MYH14: variants seen among roughly 807,000 people sequenced by gnomAD.
MYH14 encodes the protein myosin heavy chain 14.
Under a neutral mutation model 255.5 loss-of-function variants are expected in MYH14, and 123 were observed. That is an observed-to-expected ratio of 0.48 (90% CI 0.42 to 0.56). The LOEUF is 0.56. MYH14 is among the 20% of genes least tolerant of loss of function. The pLI, the probability that MYH14 is intolerant of heterozygous loss-of-function variation, is 0.00. For synonymous variants in MYH14, 1,095 were observed against 1,161.2 expected, an observed-to-expected ratio of 0.94 and a Z score of 1.16; for missense variants, 2,423 against 2,802.3, an observed-to-expected ratio of 0.86 and a Z score of 3.06.
At chr19:50,212,395 C>G (rs1321391473) in intron 2 of MYH14, among the ~76,000 whole-genome samples, 1 of 152,184 alleles carries the variant, frequency 6.6e-6, no homozygotes, top group Non-Finnish European at 1.5e-5. Context: ...AGGAGGCTAG[C>G]AAATATTTAA....
chr19:50,277,966 G>A, intron 29 of MYH14, 117 bp from the exon 30 acceptor site: 1 of 697,774 alleles, frequency 1.4e-6, no homozygotes, highest in Non-Finnish European at 2.1e-6. Context: ...TTGTTCACTG[G>A]GAGAAGTGTG....
At chr19:50,277,036 A>G (rs752155583) in intron 29 of MYH14, 135 bp downstream of exon 29, 17 of 654,268 alleles carry the variant, frequency 2.6e-5, no homozygotes, top group Non-Finnish European at 3.7e-5. Context: ...ATTCATGTGC[A>G]TCTTTCATTC....
At chr19:50,249,467 TCTCTGG>T (rs2123304881) in intron 13 of MYH14, 177 bp from the exon 14 acceptor site, 1 of 678,310 alleles carries the variant, frequency 1.5e-6, no homozygotes, top group East Asian at 2.8e-5. Flanking sequence ...CTGTCCCCTG[TCTCTGG>T]CTCTGTCCCC....
chr19:50,296,280 C>T (rs917401326), intron 39 of MYH14, among the ~76,000 whole-genome samples: 2 of 151,976 alleles, frequency 1.3e-5, no homozygotes, highest in African/African-American at 4.8e-5. Context: ...CCTATATCCA[C>T]GTTGTGATCT....
chr19:50,277,411 G>A (rs2035549687), intron 29 of MYH14, among the ~76,000 whole-genome samples: 1 of 152,074 alleles, frequency 6.6e-6, no homozygotes, highest in African/African-American at 2.4e-5. Context: ...TTCGAGACCA[G>A]CCTGGGCAAC....
chr19:50,253,955 C>T (rs187355850), intron 16 of MYH14, among the ~76,000 whole-genome samples: 4 of 152,268 alleles, frequency 2.6e-5, no homozygotes, highest in Non-Finnish European at 5.9e-5. Context: ...CGGTGGCTCA[C>T]GCCTGTAATC....
intron 11 of MYH14, among the ~76,000 whole-genome samples, chr19:50,245,352 G>A (rs1032926845): frequency 6.7e-5 from 10 of 149,358 alleles, no homozygotes; most frequent in African/African-American, 2.5e-4. Flanking sequence ...CCAGGAGGCG[G>A]AGGTTGCAGT....
intron 2 of MYH14, among the ~76,000 whole-genome samples, chr19:50,217,099 G>A (rs1470401635): frequency 2.0e-5 from 3 of 151,936 alleles, no homozygotes; most frequent in South Asian, 4.2e-4. Flanking sequence ...GTGAGCCACC[G>A]TGCCCGGCCC....
intron 10 of MYH14, among the ~76,000 whole-genome samples, chr19:50,239,999 C>T (rs139027095): frequency 9.9e-5 from 15 of 152,276 alleles, no homozygotes; most frequent in African/African-American, 3.1e-4. Context: ...TCCCTTCCCA[C>T]CACCAGCACC....
chr19:50,269,322 G>A (rs2035209808), intron 24 of MYH14, among the ~76,000 whole-genome samples: 2 of 152,174 alleles, frequency 1.3e-5, no homozygotes, highest in South Asian at 4.1e-4. Flanking sequence ...TGGGATTACA[G>A]GTGTGTGCCA....
chr19:50,304,312 A>G (rs904725532), intron 40 of MYH14, among the ~76,000 whole-genome samples: 1 of 152,214 alleles, frequency 6.6e-6, no homozygotes, highest in Non-Finnish European at 1.5e-5. Context: ...TGTTGGGGCC[A>G]GGCATGGTGG....
intron 10 of MYH14, among the ~76,000 whole-genome samples, chr19:50,234,278 G>C (rs1346323155): frequency 6.6e-6 from 1 of 152,164 alleles, no homozygotes; most frequent in African/African-American, 2.4e-5. Context: ...AAGTACGTAG[G>C]TGGACCTCCG....
chr19:50,249,479 TC>T (rs2034273221), intron 13 of MYH14, 170 bp from the exon 14 acceptor site: 1 of 724,742 alleles, frequency 1.4e-6, no homozygotes, highest in East Asian at 2.8e-5. Context: ...TCTGGCTCTG[TC>T]CCCTGTCTCT....
chr19:50,271,887 A>G lies in MYH14; in HGVS notation c.3210A>G (p.Ser1070=). The G allele has an allele frequency of 1.2e-6, 2 of 1,613,500 alleles. No individual in the cohort carries two copies. The highest frequency in any genetic ancestry group is 1.1e-5 in the South Asian group (1 of 90,912). The change falls in exon 26 of 43, where the codon TCA becomes TCG. Residue 1070 remains serine, a synonymous_variant. Coordinates refer to ENST00000642316, the MANE Select transcript of MYH14 (RefSeq NM_001145809.2). ...TGGAAGATCGTCTGGCCGAGTTCTCATCCCAGGCAGCTGAGGAGGAGGAGA... is the reference window on the plus strand; with the variant it reads ...TGGAAGATCGTCTGGCCGAGTTCTCGTCCCAGGCAGCTGAGGAGGAGGAGA... The part of the protein sequence containing the change: ...KLLEDRLAEF[S]SQAAEEEEKV...
At chr19:50,268,853 C>T (rs1394935229) in intron 24 of MYH14, among the ~76,000 whole-genome samples, 1 of 152,228 alleles carries the variant, frequency 6.6e-6, no homozygotes, top group Non-Finnish European at 1.5e-5. Flanking sequence ...TCTCAGTACT[C>T]CCCCTCTCTC....
chr19:50,224,688 T>C (rs1467909365), intron 6 of MYH14: 1 of 415,344 alleles, frequency 2.4e-6, no homozygotes, highest in Non-Finnish European at 4.9e-6. Flanking sequence ...GGAGGGAAGT[T>C]TGGAGTAGAG....
At chr19:50,261,993 G>A (rs1305615377) in intron 21 of MYH14, among the ~76,000 whole-genome samples, 2 of 152,168 alleles carry the variant, frequency 1.3e-5, no homozygotes, top group Admixed American at 6.5e-5. Context: ...CCAGTCCCTC[G>A]AGGGGCTCCA....
Position 50,276,326 on chromosome 19 carries a change from G to C in MYH14, c.3680+123G>C. On this transcript the variant is annotated intron_variant, in intron 28 of 42. Transcript: ENST00000642316. This position sits in a 1 kb window ranked among gnomAD's most constrained non-coding sequence, Gnocchi z 4.3. ...ATTGTACAGTTGTTCATGAACCACC[G>C]GCTCTAGGTCCGGCCTGGGTCAAGC... 1.2e-6 allele frequency: 1 copy of C among 840,634 alleles called. No individual in the cohort carries two copies. Among genetic ancestry groups the C allele is most frequent in the Non-Finnish European group, 1.8e-6 (1 of 559,680 alleles). 52.1% of individuals were successfully genotyped at this position (840,634 alleles called of 1,614,324 possible).
intron 33 of MYH14, chr19:50,285,194 C>T (rs562541273): frequency 2.0e-5 from 3 of 152,242 alleles, no homozygotes; most frequent in Admixed American, 6.5e-5. Context: ...CTGCACCAGC[C>T]TTTTCTTCTT....
Sources: gnomAD v4.1 joint callset for allele counts (sites outside exome capture counted in the v4.1 genomes callset) on GRCh38, gnomAD v4.1.1 for gene constraint, Gnocchi (gnomAD v3.1) non-coding constraint, MANE v1.5 for transcripts, NCBI Gene and HGNC (gene_info 2026-07-23, HGNC 2026-07-21) for gene names.